The following SHISA9 variants were observed in gnomAD, a reference collection of about 807,000 sequenced individuals.
SHISA9 encodes shisa family member 9, also known as protein shisa-9.
A neutral mutation model predicts 38.0 loss-of-function variants in SHISA9; 13 were observed. The ratio of observed to expected loss-of-function variants is 0.34; its 90% CI spans 0.22 to 0.54. The LOEUF (loss-of-function observed/expected upper bound fraction) is 0.54, where lower values mean the gene tolerates loss of function less well. SHISA9 is among the 20% of genes least tolerant of loss of function. The probability of loss-of-function intolerance (pLI) is 0.91; values close to 1 mark genes in which losing one functional copy is unlikely to be tolerated. For missense variants in SHISA9, 538 were observed against 575.8 expected, an observed-to-expected ratio of 0.93 and a Z score of 0.67; for synonymous variants, 275 against 242.0, an observed-to-expected ratio of 1.14 and a Z score of -1.27.
chr16:13,150,661 A>G (rs2050491444), intron 2 of SHISA9, among the ~76,000 whole-genome samples: 1 of 152,162 alleles, frequency 6.6e-6, no homozygotes, highest in South Asian at 2.1e-4. Flanking sequence ...GAATTTTTAA[A>G]AGGAGGTGAT....
intron 2 of SHISA9, among the ~76,000 whole-genome samples, chr16:13,015,979 C>T (rs866348974): frequency 3.8e-5 from 2 of 52,006 alleles, no homozygotes; most frequent in Non-Finnish European, 8.7e-5. Context: ...CCCTTCCCTT[C>T]CCTTCCCTTC....
At chr16:13,356,181 G>T in the SHISA9 span, among the ~76,000 whole-genome samples, 1 of 152,322 alleles carries the variant, frequency 6.6e-6, no homozygotes, top group East Asian at 1.9e-4. Flanking sequence ...ACACCTGAAG[G>T]TGAGGTTAAT....
chr16:13,514,081 G>A, the SHISA9 span, among the ~76,000 whole-genome samples: 1 of 152,038 alleles, frequency 6.6e-6, no homozygotes, highest in African/African-American at 2.4e-5. Context: ...TGCAACCTCT[G>A]TCTCCTGGGT....
chr16:13,365,940 TA>T, the SHISA9 span, among the ~76,000 whole-genome samples: 2 of 152,216 alleles, frequency 1.3e-5, no homozygotes, highest in African/African-American at 4.8e-5. Context: ...AATGATTCTA[TA>T]GCTCAGTAAG....
intron 4 of SHISA9, among the ~76,000 whole-genome samples, chr16:13,231,939 C>G (rs1401453204): frequency 6.6e-6 from 1 of 152,208 alleles, no homozygotes; most frequent in Non-Finnish European, 1.5e-5. Flanking sequence ...CAGAGCTTGA[C>G]AGTTTCCTTA....
chr16:12,991,824 T>G (rs905217100), intron 2 of SHISA9, among the ~76,000 whole-genome samples: 62 of 152,346 alleles, frequency 4.1e-4, no homozygotes, highest in African/African-American at 1.4e-3. Flanking sequence ...AAGTGGATAC[T>G]GATAGATCCT....
the SHISA9 span, among the ~76,000 whole-genome samples, chr16:13,360,520 C>T: frequency 2.0e-4 from 31 of 152,270 alleles, 1 homozygote; most frequent in Admixed American, 6.5e-4. Flanking sequence ...ACTTGGCTCT[C>T]GTTCTTCTTC....
chr16:13,236,450 G>A lies in SHISA9; in HGVS notation c.*1041G>A, dbSNP rs1348454732. The A allele has an allele frequency of 6.6e-6, 1 of 152,154 alleles. No individual in the cohort carries two copies. The highest frequency in any genetic ancestry group is 2.4e-5 in the African/African-American group (1 of 41,416). 9.4% of individuals were successfully genotyped at this position (152,154 alleles called of 1,614,324 possible). On this transcript the variant is annotated 3_prime_UTR_variant, in exon 5 of 5. Transcript: ENST00000558583. Reference sequence around the variant, plus strand: ...AGACCTGAAACAGCCACAGAAACAAGTCCTCTATAAACTGTATGTCCCTGA... The same window carrying A: ...AGACCTGAAACAGCCACAGAAACAAATCCTCTATAAACTGTATGTCCCTGA...
chr16:12,927,270 T>A (rs1259939766), intron 2 of SHISA9, among the ~76,000 whole-genome samples: 1 of 152,248 alleles, frequency 6.6e-6, no homozygotes, highest in Non-Finnish European at 1.5e-5. Context: ...AGAATGCAGT[T>A]AATGAAACTA....
intron 2 of SHISA9, among the ~76,000 whole-genome samples, chr16:13,089,338 C>G (rs1386293945): frequency 6.6e-6 from 1 of 152,158 alleles, no homozygotes; most frequent in Admixed American, 6.5e-5. Flanking sequence ...GGAGGATTCC[C>G]TCTTTTTCTA....
chr16:13,552,321 C>T, the SHISA9 span, among the ~76,000 whole-genome samples: 20 of 152,222 alleles, frequency 1.3e-4, no homozygotes, highest in African/African-American at 4.1e-4. Context: ...ATTAACAACA[C>T]CCTTCCATTT....
At chr16:12,958,004 A>T (rs968397464) in intron 2 of SHISA9, among the ~76,000 whole-genome samples, 1 of 152,248 alleles carries the variant, frequency 6.6e-6, no homozygotes. Context: ...AATGGGGATG[A>T]GGGCTTCAAT....
intron 2 of SHISA9, among the ~76,000 whole-genome samples, chr16:13,097,649 C>T (rs1027415053): frequency 1.3e-5 from 2 of 152,166 alleles, no homozygotes; most frequent in South Asian, 2.1e-4. Flanking sequence ...AGTGATTCTC[C>T]TGCCTTGGCC....
chr16:13,447,925 C>T, the SHISA9 span, among the ~76,000 whole-genome samples: 3 of 152,178 alleles, frequency 2.0e-5, no homozygotes, highest in South Asian at 2.1e-4. Context: ...TGAGAAAAGA[C>T]ATACAAAAGT....
intron 2 of SHISA9, among the ~76,000 whole-genome samples, chr16:12,952,420 A>T (rs1485415786): frequency 6.6e-6 from 1 of 152,160 alleles, no homozygotes. Context: ...CCATTGATAT[A>T]TTGGGATAAT....
the SHISA9 span, among the ~76,000 whole-genome samples, chr16:13,298,050 C>G: frequency 6.6e-6 from 1 of 152,126 alleles, no homozygotes; most frequent in Non-Finnish European, 1.5e-5. Context: ...GCTACTGTGC[C>G]CAGCTGCTAT....
At chr16:13,458,198 CT>C in the SHISA9 span, 1 of 197,748 alleles carries the variant, frequency 5.1e-6, no homozygotes, top group South Asian at 9.5e-5. Context: ...CAAGCAGTAT[CT>C]GGAGGAAACA....
At chr16:13,490,642 G>A in the SHISA9 span, among the ~76,000 whole-genome samples, 1,453 of 152,242 alleles carry the variant, frequency 9.5e-3, 19 homozygotes, top group African/African-American at 0.033. Flanking sequence ...CTCTGGAAAC[G>A]ACAGGCTTTC....
intron 2 of SHISA9, among the ~76,000 whole-genome samples, chr16:13,185,614 T>G (rs2050814054): frequency 6.6e-6 from 1 of 152,234 alleles, no homozygotes; most frequent in South Asian, 2.1e-4. Context: ...TTGTACCTGC[T>G]TTTTAATAAC....
Sources: allele counts gnomAD v4.1 joint callset (sites outside exome capture counted in the v4.1 genomes callset), GRCh38; gene constraint gnomAD v4.1.1; transcripts MANE v1.5; gene names NCBI Gene and HGNC (gene_info 2026-07-23, HGNC 2026-07-21).